The following EBF3 variants were observed in gnomAD, a reference collection of about 807,000 sequenced individuals.
The protein encoded by EBF3 is transcription factor COE3.
In EBF3, 18 loss-of-function variants were observed where a neutral mutation model predicts 77.1. The observed-to-expected ratio is 0.23, with a 90% CI of 0.16 to 0.35. EBF3 has a LOEUF of 0.35. EBF3 is among the 10% of genes least tolerant of loss of function. The pLI is 1.00. For synonymous variants in EBF3, 350 were observed against 343.5 expected (o/e 1.02, Z -0.21); for missense variants, 558 against 860.0 (o/e 0.65, Z 4.39).
At position 129,841,042 on chromosome 10, in the gene EBF3, T is replaced by TCG; in HGVS notation, c.1373-11_1373-10insCG. 1 of 1,507,650 alleles carries TCG rather than the reference T, an allele frequency of 6.6e-7. No homozygotes were observed. Among genetic ancestry groups the TCG allele is most frequent in the South Asian group, 1.3e-5 (1 of 76,902 alleles). The allele number at this position is 1,507,650 out of a possible 1,614,324, so 93.4% of individuals were successfully genotyped here. A position where few individuals can be genotyped will look rare whatever the true frequency, so the allele number is the denominator to read the frequency against. ...TTGCGACTGTAGCCGACTGTTGAAA[T>TCG]CCCCCCCCCGGCCAAAAATAACATT... is the stretch of plus-strand genomic sequence containing the variant. On this transcript the variant is annotated splice_polypyrimidine_tract_variant and intron_variant, in intron 13 of 16. Transcript: ENST00000440978. This position sits in a 1 kb window ranked among gnomAD's most constrained non-coding sequence, Gnocchi z 4.6.
At chr10:129,888,021 A>C (rs1029577264) in intron 6 of EBF3, among the ~76,000 whole-genome samples, 1 of 152,176 alleles carries the variant, frequency 6.6e-6, no homozygotes, top group Non-Finnish European at 1.5e-5. Context: ...CCAATTGTTC[A>C]AACTATTGAT....
rs77047420 is a variant in EBF3, at chr10:129,899,582, G to T, written c.555-21733C>A. Among the ~76,000 whole-genome samples, 675 of 152,328 alleles carry T rather than the reference G, an allele frequency of 4.4e-3. 24 individuals carry two copies. The South Asian group carries it at 0.07, about 16-fold the overall frequency. On this transcript the variant is annotated intron_variant, in intron 6 of 16. Coordinates refer to ENST00000440978, the MANE Select transcript of EBF3 (RefSeq NM_001375380.1). ...CAGGAGGAGAAACGGACATGTCCCA[G>T]TTGCTCTTTGAAATGGCCAGATCCA...
intron 6 of EBF3, among the ~76,000 whole-genome samples, chr10:129,955,062 AT>A (rs950043862): frequency 6.6e-6 from 1 of 152,122 alleles, no homozygotes; most frequent in African/African-American, 2.4e-5. Flanking sequence ...TAAATTCTTC[AT>A]TTTTTTCACG....
chr10:129,906,910 C>A (rs531988376), intron 6 of EBF3, among the ~76,000 whole-genome samples: 1 of 152,180 alleles, frequency 6.6e-6, no homozygotes, highest in Non-Finnish European at 1.5e-5. Context: ...TTCTCTCCCA[C>A]CAGCTGGGGT....
At chr10:129,959,585 CCCCGCGGCTT>C (rs951362637) in intron 4 of EBF3, among the ~76,000 whole-genome samples, 374 of 152,036 alleles carry the variant, frequency 2.5e-3, no homozygotes, top group African/African-American at 7.2e-3. Flanking sequence ...AAGTCTGGCG[CCCCGCGGCTT>C]CCCGCGGCTT....
Position 129,837,508 on chromosome 10 carries a change from T to TAA in EBF3, c.*433_*434dup, listed in dbSNP as rs1209893099. The TAA allele has an allele frequency of 9.7e-5, 17 of 175,476 alleles. No individual in the cohort carries two copies. In the East Asian group the frequency reaches 2.6e-3, roughly 27 times the overall value. The allele number at this position is 175,476 out of a possible 1,614,324, so 10.9% of individuals were successfully genotyped here. Reference sequence around the variant, plus strand: ...TAGAGATACACAACCATTGTGAATCTAAGTATGAGTACAGAAAAATGTTTG... The same window carrying TAA: ...TAGAGATACACAACCATTGTGAATCTAAAAGTATGAGTACAGAAAAATGTTTG... On this transcript the variant is annotated 3_prime_UTR_variant, in exon 17 of 17. Transcript: ENST00000440978.
chr10:129,964,206 G>A lies in EBF3; in HGVS notation c.-438C>T, dbSNP rs1859756852. The A allele has an allele frequency of 1.0e-6, 1 of 984,840 alleles. No homozygotes were observed. Among genetic ancestry groups the A allele is most frequent in the Non-Finnish European group, 1.2e-6 (1 of 829,796 alleles). The allele number at this position is 984,840 out of a possible 1,614,324, so 61.0% of individuals were successfully genotyped here. A position where few individuals can be genotyped will look rare whatever the true frequency, so the allele number is the denominator to read the frequency against. On this transcript the variant is annotated 5_prime_UTR_variant, in exon 1 of 17. Transcript: ENST00000440978. This position sits in a 1 kb window ranked among gnomAD's most constrained non-coding sequence, Gnocchi z 4.5. ...GCAGTCCCGGGCGCAGGCGGGGCGC[G>A]GCGGGGCCTGGAGCGGCGCGCGCAG...
At position 129,943,041 on chromosome 10, in the gene EBF3, A is replaced by G. The variant is rs1313581800; in HGVS notation, c.554+14217T>C. Among the ~76,000 whole-genome samples, 2 of 152,230 alleles carry G rather than the reference A, an allele frequency of 1.3e-5. No individual in the cohort carries two copies. Among genetic ancestry groups the G allele is most frequent in the African/African-American group, 4.8e-5 (2 of 41,464 alleles). On this transcript the variant is annotated intron_variant, in intron 6 of 16. Transcript: ENST00000440978. This position sits in a 1 kb window ranked among gnomAD's most constrained non-coding sequence, Gnocchi z 8.8. ...CTGGATTCTAAGAGGAAGGTAGCAG[A>G]TACAACCGATTCCTGTCCTCCATTC...
intron 8 of EBF3, among the ~76,000 whole-genome samples, chr10:129,871,927 A>G (rs1344056608): frequency 6.6e-6 from 1 of 152,218 alleles, no homozygotes; most frequent in African/African-American, 2.4e-5. Context: ...ATCCTGAGCA[A>G]GACTGCTTCT....
At chr10:129,892,902 T>G (rs1854121771) in intron 6 of EBF3, among the ~76,000 whole-genome samples, 1 of 152,216 alleles carries the variant, frequency 6.6e-6, no homozygotes, top group Non-Finnish European at 1.5e-5. Flanking sequence ...ATTTTCCCAT[T>G]TTAGGGGAGG....
At chr10:129,903,673 T>C (rs1035008329) in intron 6 of EBF3, among the ~76,000 whole-genome samples, 5 of 152,172 alleles carry the variant, frequency 3.3e-5, no homozygotes, top group Admixed American at 6.5e-5. Flanking sequence ...TGGGGACATA[T>C]TGGGCCTGGA....
At chr10:129,904,419 T>A (rs530948853) in intron 6 of EBF3, among the ~76,000 whole-genome samples, 14 of 152,194 alleles carry the variant, frequency 9.2e-5, no homozygotes, top group African/African-American at 3.4e-4. Context: ...GACAGACAGA[T>A]GATTAAATGG....
chr10:129,963,776 G>A lies in EBF3; in HGVS notation c.-8C>T, dbSNP rs1352136700. The A allele has an allele frequency of 2.0e-6, 3 of 1,504,024 alleles. No homozygotes were observed. Among genetic ancestry groups the A allele is most frequent in the Non-Finnish European group, 2.7e-6 (3 of 1,116,746 alleles). The allele number at this position is 1,504,024 out of a possible 1,614,324, so 93.2% of individuals were successfully genotyped here. ...CTCCTGAATCCCAAACATGAAAACTGCTGGCGGCGGCCGCAGCTCCCGGCC... is the reference window on the plus strand; with the variant it reads ...CTCCTGAATCCCAAACATGAAAACTACTGGCGGCGGCCGCAGCTCCCGGCC... On this transcript the variant is annotated 5_prime_UTR_variant, in exon 1 of 17. Coordinates refer to ENST00000440978, the MANE Select transcript of EBF3 (RefSeq NM_001375380.1). The surrounding 1 kb of genome is among the most constrained non-coding windows in gnomAD (Gnocchi z 7.1).
rs987189851 is a variant in EBF3, at chr10:129,935,029, T to G, written c.554+22229A>C. Among the ~76,000 whole-genome samples the G allele has an allele frequency of 5.3e-5, 8 of 152,198 alleles. No individual in the cohort carries two copies. Among genetic ancestry groups the G allele is most frequent in the African/African-American group, 1.9e-4 (8 of 41,446 alleles). On this transcript the variant is annotated intron_variant, in intron 6 of 16. Coordinates refer to ENST00000440978, the MANE Select transcript of EBF3 (RefSeq NM_001375380.1). This position sits in a 1 kb window ranked among gnomAD's most constrained non-coding sequence, Gnocchi z 4.2. The stretch of plus-strand genomic sequence containing the variant: ...ATCTAACTAGATCAATAACAAGTAA[T>G]GTTTAAGATAAGTACATCCCAAATA...
intron 6 of EBF3, among the ~76,000 whole-genome samples, chr10:129,884,203 G>A (rs903857026): frequency 2.6e-5 from 4 of 152,174 alleles, no homozygotes; most frequent in African/African-American, 7.2e-5. Flanking sequence ...ATCAGTCGCT[G>A]GAGTATTGAT....
chr10:129,896,056 C>T (rs974368862), intron 6 of EBF3, among the ~76,000 whole-genome samples: 59 of 150,684 alleles, frequency 3.9e-4, no homozygotes, highest in African/African-American at 1.4e-3. Flanking sequence ...GAAAGTATGA[C>T]TTTAATTAGC....
chr10:129,922,834 G>A (rs1278447814), intron 6 of EBF3, among the ~76,000 whole-genome samples: 1 of 152,216 alleles, frequency 6.6e-6, no homozygotes, highest in Non-Finnish European at 1.5e-5. Context: ...GCTGAAGAAA[G>A]GAAGGTGGTT....
intron 6 of EBF3, among the ~76,000 whole-genome samples, chr10:129,889,380 C>T (rs1338151002): frequency 6.6e-6 from 1 of 152,218 alleles, no homozygotes; most frequent in East Asian, 1.9e-4. Flanking sequence ...CCAGGGTGGG[C>T]GGGCAGCCTT....
In EBF3 at chr10:129,959,026, G is replaced by A. The variant is rs372383464; in HGVS notation, c.412-19C>T. On this transcript the variant is annotated intron_variant, in intron 4 of 16. Transcript: ENST00000440978. ...CGATGGCCTGCGCGAGGGACAAGCA[G>A]AGGCTGGGGTTACGCGGCGCCCGCG... The A allele has an allele frequency of 1.6e-5, 25 of 1,596,936 alleles. No individual in the cohort carries two copies. Among genetic ancestry groups the A allele is most frequent in the African/African-American group, 4.2e-5 (3 of 72,154 alleles).
Sources: allele counts gnomAD v4.1 joint callset (sites outside exome capture counted in the v4.1 genomes callset), GRCh38; gene constraint gnomAD v4.1.1; non-coding constraint Gnocchi (gnomAD v3.1); transcripts MANE v1.5; gene names NCBI Gene and HGNC (gene_info 2026-07-23, HGNC 2026-07-21).